XKR6: variants seen among roughly 807,000 people sequenced by gnomAD.
The protein encoded by XKR6 is XK related 6, also known as XK-related protein 6.
XKR6 carries 22 observed loss-of-function variants against 56.7 expected under a neutral mutation model. That is an observed-to-expected ratio of 0.39 (90% CI 0.28 to 0.55). XKR6 has a LOEUF of 0.55. Among genes scored for constraint, XKR6 ranks in the 20% least tolerant of loss-of-function variants. The probability of loss-of-function intolerance (pLI) is 0.66; values close to 1 mark genes in which losing one functional copy is unlikely to be tolerated. For synonymous variants in XKR6, 524 were observed against 387.8 expected (o/e 1.35, Z -4.13); for missense variants, 852 against 889.0 (o/e 0.96, Z 0.53).
intron 1 of XKR6, among the ~76,000 whole-genome samples, chr8:11,087,304 C>T (rs1191976376): frequency 6.6e-6 from 1 of 152,198 alleles, no homozygotes; most frequent in African/African-American, 2.4e-5. Context: ...TGCTCGTCTC[C>T]CTTTCTTCCT....
At chr8:11,115,018 G>C (rs1298780186) in intron 1 of XKR6, among the ~76,000 whole-genome samples, 1 of 152,164 alleles carries the variant, frequency 6.6e-6, no homozygotes, top group Admixed American at 6.5e-5. Context: ...CAGTGAGTCT[G>C]GAGTCGTCAG....
At chr8:11,099,239 G>A (rs1798377250) in intron 1 of XKR6, among the ~76,000 whole-genome samples, 1 of 152,192 alleles carries the variant, frequency 6.6e-6, no homozygotes. Flanking sequence ...AAGTCACATC[G>A]AAAATCTGGA....
Position 10,912,306 on chromosome 8 carries a change from GTATATATATATATATA to G in XKR6, c.961+12312_961+12327del, listed in dbSNP as rs535084135. Among the ~76,000 whole-genome samples, 22 of 55,248 alleles carry G rather than the reference GTATATATATATATATA, an allele frequency of 4.0e-4. 1 individual carries two copies. The highest frequency in any genetic ancestry group is 3.3e-3 in the Admixed American group (12 of 3,662). The allele number at this position is 55,248 out of a possible 152,430, so 36.2% of individuals were successfully genotyped here. A position where few individuals can be genotyped will look rare whatever the true frequency, so the allele number is the denominator to read the frequency against. On this transcript the variant is annotated intron_variant, in intron 2 of 2. Transcript: ENST00000416569. ...GTATATACATATATAAAGAGAGGGT[GTATATATATATATATA>G]TATATATATATATATATATATGGAG... is the stretch of plus-strand genomic sequence containing the variant.
chr8:11,159,650 C>A (rs1801695823), intron 1 of XKR6, among the ~76,000 whole-genome samples: 2 of 152,226 alleles, frequency 1.3e-5, no homozygotes, highest in African/African-American at 4.8e-5. Context: ...GCCTGGCAAT[C>A]TGTGTTTTGA....
At position 10,897,843 on chromosome 8, in the gene XKR6, T is replaced by C; in HGVS notation, c.*109A>G. On this transcript the variant is annotated 3_prime_UTR_variant, in exon 3 of 3. Transcript: ENST00000416569. ...GGTGTTGGTGTGGCGGTGTTGGTGG[T>C]GGTGGCGGTGGTTCTGTGTATTGGG... 1 of 1,372,820 alleles carries C rather than the reference T, an allele frequency of 7.3e-7. No homozygotes were observed. The highest frequency in any genetic ancestry group is 9.7e-7 in the Non-Finnish European group (1 of 1,035,756). The allele number at this position is 1,372,820 out of a possible 1,614,324, so 85.0% of individuals were successfully genotyped here.
chr8:10,993,968 C>G (rs1045560324), intron 1 of XKR6, among the ~76,000 whole-genome samples: 3 of 152,204 alleles, frequency 2.0e-5, no homozygotes, highest in African/African-American at 7.2e-5. Context: ...GCCCACCAAG[C>G]CTTGCTCTGC....
At position 10,905,932 on chromosome 8, in the gene XKR6, A is replaced by G. The variant is rs1586287767; in HGVS notation, c.962-7016T>C. ...CCGTCCTCGCCTTCCCACAGGAGAC[A>G]TGGCAAGGGAGTGATGTGACAAAGG... On this transcript the variant is annotated intron_variant, in intron 2 of 2. Coordinates refer to ENST00000416569, the MANE Select transcript of XKR6 (RefSeq NM_173683.4). Among the ~76,000 whole-genome samples, 3 of 152,304 alleles carry G rather than the reference A, an allele frequency of 2.0e-5. No individual in the cohort carries two copies. The Middle Eastern group carries it at 0.01, about 518-fold the overall frequency.
intron 1 of XKR6, among the ~76,000 whole-genome samples, chr8:10,975,979 A>C (rs4078189): frequency 0.41 from 62,383 of 151,756 alleles, 13,937 homozygotes; most frequent in African/African-American, 0.58. Flanking sequence ...TCGAGACCAT[A>C]CTGGCTAACA....
At chr8:10,956,858 G>A (rs1801906184) in intron 1 of XKR6, among the ~76,000 whole-genome samples, 1 of 152,126 alleles carries the variant, frequency 6.6e-6, no homozygotes, top group Non-Finnish European at 1.5e-5. Context: ...TCCTCTTCTG[G>A]GCTTCAAAAC....
At chr8:11,117,214 G>C (rs548226632) in intron 1 of XKR6, among the ~76,000 whole-genome samples, 1 of 152,258 alleles carries the variant, frequency 6.6e-6, no homozygotes, top group South Asian at 2.1e-4. Flanking sequence ...GATACACTAG[G>C]GGTGAAACTG....
intron 1 of XKR6, among the ~76,000 whole-genome samples, chr8:10,957,328 G>A (rs554600120): frequency 1.6e-4 from 25 of 152,272 alleles, no homozygotes; most frequent in African/African-American, 5.5e-4. Context: ...CCTAGGCAAC[G>A]GATTCAGGCA....
chr8:10,958,298 G>A (rs1215213385), intron 1 of XKR6, among the ~76,000 whole-genome samples: 3 of 152,240 alleles, frequency 2.0e-5, no homozygotes, highest in Non-Finnish European at 4.4e-5. Context: ...ACAGAGGCCT[G>A]AGTGCTGGGG....
At chr8:10,959,931 G>A (rs745762469) in intron 1 of XKR6, among the ~76,000 whole-genome samples, 8 of 152,150 alleles carry the variant, frequency 5.3e-5, no homozygotes, top group Non-Finnish European at 1.2e-4. Flanking sequence ...GTGAGGCAAT[G>A]AAATGCCCAG....
intron 1 of XKR6, among the ~76,000 whole-genome samples, chr8:10,936,197 G>A (rs1248913718): frequency 4.0e-5 from 6 of 150,506 alleles, no homozygotes; most frequent in Non-Finnish European, 7.4e-5. Flanking sequence ...TTTAAAGTCT[G>A]TTTTATCAGA....
intron 1 of XKR6, among the ~76,000 whole-genome samples, chr8:11,036,140 G>A (rs368931128): frequency 6.0e-4 from 91 of 151,666 alleles, no homozygotes; most frequent in African/African-American, 2.2e-3. Context: ...TAGAGATGGG[G>A]TCTCACTGTG....
At chr8:10,942,822 T>C (rs1586333585) in intron 1 of XKR6, among the ~76,000 whole-genome samples, 1 of 152,302 alleles carries the variant, frequency 6.6e-6, no homozygotes, top group Non-Finnish European at 1.5e-5. Context: ...TATTTTGGAG[T>C]CCTGACTTGC....
intron 1 of XKR6, among the ~76,000 whole-genome samples, chr8:11,154,879 C>G (rs548546239): frequency 1.3e-5 from 2 of 152,290 alleles, no homozygotes; most frequent in East Asian, 3.9e-4. Context: ...CAGTAGTCTA[C>G]AATTCTTAAG....
chr8:11,028,631 C>A (rs1477178723), intron 1 of XKR6, among the ~76,000 whole-genome samples: 3 of 152,204 alleles, frequency 2.0e-5, no homozygotes, highest in East Asian at 3.8e-4. Context: ...TCTGGCCAGA[C>A]CCCAGCCATC....
intron 1 of XKR6, among the ~76,000 whole-genome samples, chr8:11,031,100 T>C (rs935345881): frequency 1.1e-4 from 16 of 152,134 alleles, no homozygotes; most frequent in Admixed American, 8.5e-4. Flanking sequence ...GTGGTCTTGT[T>C]TGAGATGACC....
Sources: gnomAD v4.1 joint callset for allele counts (sites outside exome capture counted in the v4.1 genomes callset) on GRCh38, gnomAD v4.1.1 for gene constraint, MANE v1.5 for transcripts, NCBI Gene and HGNC (gene_info 2026-07-23, HGNC 2026-07-21) for gene names.